MCHR2: variants seen among roughly 807,000 people sequenced by gnomAD.
MCHR2 encodes melanin concentrating hormone receptor 2.
In MCHR2, 15 loss-of-function variants were observed where a neutral mutation model predicts 24.8. The ratio of observed to expected loss-of-function variants is 0.60; its 90% CI spans 0.40 to 0.93. The LOEUF is 0.93. Among genes scored for constraint, MCHR2 ranks in the 40% least tolerant of loss-of-function variants. MCHR2 has a pLI of 0.00. For missense variants in MCHR2, 386 were observed against 408.7 expected (o/e 0.94, Z 0.48); for synonymous variants, 151 against 147.6 (o/e 1.02, Z -0.17).
intron 1 of MCHR2, among the ~76,000 whole-genome samples, chr6:99,964,638 A>G (rs1465989882): frequency 6.6e-6 from 1 of 152,048 alleles, no homozygotes; most frequent in Non-Finnish European, 1.5e-5. Context: ...CCATGATCCA[A>G]TTACTTCCAC....
rs1285469737 is a variant in MCHR2 at position 99,955,973 on chromosome 6, T to C, written c.175A>G (p.Ile59Val). 2.5e-6 allele frequency: 4 copies of C among 1,587,718 alleles called. No individual in the cohort carries two copies. Among genetic ancestry groups the C allele is most frequent in the Non-Finnish European group, 3.4e-6 (4 of 1,170,328 alleles). ...AAAGGAGCCATTCCTTACCTTATTA[T>C]AGTGAATACAATGAGGATGTTGCCA... Reference protein sequence around the residue: ...LVGNILIVFTIIRSRKKTVPD... With the variant: ...LVGNILIVFTVIRSRKKTVPD... The change falls in exon 2 of 6, where the codon ATA becomes GTA. Residue 59 changes from isoleucine to valine, a missense_variant. Transcript: ENST00000281806.
intron 1 of MCHR2, among the ~76,000 whole-genome samples, chr6:99,980,284 G>A (rs973876193): frequency 5.3e-5 from 8 of 152,106 alleles, no homozygotes; most frequent in African/African-American, 1.7e-4. Flanking sequence ...AGAAGGCAAC[G>A]TGCTCCACTG....
intron 4 of MCHR2, 85 bp from the exon 5 acceptor site, chr6:99,934,602 G>A (rs918344713): frequency 1.6e-5 from 19 of 1,211,852 alleles, no homozygotes; most frequent in Admixed American, 9.7e-5. Flanking sequence ...TGCAGTTTCC[G>A]AGGCATAATT....
intron 5 of MCHR2, among the ~76,000 whole-genome samples, chr6:99,930,878 G>A (rs1308374080): frequency 2.0e-5 from 3 of 152,136 alleles, no homozygotes; most frequent in African/African-American, 7.2e-5. Context: ...TTCCATTGCT[G>A]GTGAGGAGCT....
chr6:99,947,961 T>A lies in MCHR2; in HGVS notation c.193A>T (p.Lys65Ter). The A allele has an allele frequency of 1.2e-6, 2 of 1,613,314 alleles. No individual in the cohort carries two copies. The highest frequency in any genetic ancestry group is 1.7e-6 in the Non-Finnish European group (2 of 1,179,544). The change falls in exon 3 of 6, where the codon AAA becomes TAA. Residue 65 changes from lysine (K) to a stop codon, truncating the protein, a stop_gained. Coordinates refer to ENST00000281806, the MANE Select transcript of MCHR2 (RefSeq NM_001040179.2). LOFTEE classifies it high-confidence loss of function. ...CAGATATAGATGTCAGGGACTGTTT[T>A]TTTCCTGGATCTGAAAGAGATAGAG... Reference protein sequence around the residue: ...IVFTIIRSRKKTVPDIYICNL... With the variant: ...IVFTIIRSRK
chr6:99,955,485 CT>C (rs1249127985), intron 2 of MCHR2, among the ~76,000 whole-genome samples: 1 of 152,156 alleles, frequency 6.6e-6, no homozygotes, highest in Non-Finnish European at 1.5e-5. Flanking sequence ...TAAAGTCTCT[CT>C]TTTGCCCAAG....
chr6:99,961,419 G>A (rs1180915347), intron 1 of MCHR2, among the ~76,000 whole-genome samples: 1 of 152,118 alleles, frequency 6.6e-6, no homozygotes, highest in Admixed American at 6.6e-5. Flanking sequence ...TATGTTTACT[G>A]AGGCACTGTT....
In MCHR2 at chr6:99,937,753, T is replaced by G. The variant is rs544150064; in HGVS notation, c.588-3236A>C. Among the ~76,000 whole-genome samples, 934 of 150,656 alleles carry G rather than the reference T, an allele frequency of 6.2e-3. 11 individuals are homozygous for G. Among genetic ancestry groups the G allele is most frequent in the African/African-American group, 0.022 (898 of 41,238 alleles). The stretch of plus-strand genomic sequence containing the variant: ...TTTGGAAGTATTCCTTCCTCTTCAT[T>G]TTTTTTTTTTGAAGTTTGAAGAGAA... On this transcript the variant is annotated intron_variant, in intron 4 of 5. Coordinates refer to ENST00000281806, the MANE Select transcript of MCHR2 (RefSeq NM_001040179.2).
At chr6:99,956,543 G>A (rs1247380251) in intron 1 of MCHR2, among the ~76,000 whole-genome samples, 2 of 152,070 alleles carry the variant, frequency 1.3e-5, no homozygotes, top group Non-Finnish European at 2.9e-5. Context: ...TAGTATTCTT[G>A]TAACACTTAT....
chr6:99,930,066 T>G (rs1189794370), intron 5 of MCHR2, among the ~76,000 whole-genome samples: 6 of 151,440 alleles, frequency 4.0e-5, no homozygotes, highest in Non-Finnish European at 8.8e-5. Flanking sequence ...TTTGCTTGTC[T>G]GTAAAGTATT....
intron 5 of MCHR2, among the ~76,000 whole-genome samples, chr6:99,924,519 C>CT (rs1774308564): frequency 6.6e-6 from 1 of 151,888 alleles, no homozygotes; most frequent in Non-Finnish European, 1.5e-5. Context: ...CATTTTTCAT[C>CT]TTTTTGATGT....
At chr6:99,949,937 TAA>T (rs1338362009) in intron 2 of MCHR2, among the ~76,000 whole-genome samples, 71 of 150,360 alleles carry the variant, frequency 4.7e-4, no homozygotes, top group South Asian at 4.2e-3. Flanking sequence ...AAAAAAATCA[TAA>T]ATCTTAGTCT....
In MCHR2 at chr6:99,920,913, TAGAC is replaced by T; in HGVS notation, c.*23_*26del. 6.2e-7 allele frequency: 1 copy of T among 1,603,262 alleles called. No individual in the cohort carries two copies. Among genetic ancestry groups the T allele is most frequent in the Non-Finnish European group, 8.5e-7 (1 of 1,173,016 alleles). ...TACCAGTAAGATAGACAATCATGTC[TAGAC>T]TCATGGTGATCCATGTACTTTCCTA... On this transcript the variant is annotated 3_prime_UTR_variant, in exon 6 of 6. Coordinates refer to ENST00000281806, the MANE Select transcript of MCHR2 (RefSeq NM_001040179.2).
intron 4 of MCHR2, among the ~76,000 whole-genome samples, chr6:99,940,375 A>T (rs1002352627): frequency 6.6e-6 from 1 of 151,936 alleles, no homozygotes; most frequent in Non-Finnish European, 1.5e-5. Context: ...GAGAATTTTT[A>T]GTAACTTTTT....
intron 3 of MCHR2, among the ~76,000 whole-genome samples, chr6:99,944,511 GA>G (rs1422879010): frequency 3.3e-5 from 5 of 152,130 alleles, no homozygotes; most frequent in African/African-American, 9.7e-5. Context: ...TTTTGCACCA[GA>G]AGCAGGACAT....
Position 99,934,518 on chromosome 6 carries a change from CTG to C in MCHR2, c.588-3_588-2del. 6.4e-7 allele frequency: 1 copy of C among 1,570,012 alleles called. No homozygotes were observed. The highest frequency in any genetic ancestry group is 1.2e-5 in the South Asian group (1 of 83,374). On this transcript the variant is annotated splice_acceptor_variant and splice_polypyrimidine_tract_variant and intron_variant, in intron 4 of 5. Transcript: ENST00000281806. LOFTEE classifies it high-confidence loss of function. The stretch of plus-strand genomic sequence containing the variant: ...TGTTATCGTCAAATAAAGTGTATAC[CTG>C]TAAAATGAGAGAGAGAAGAGAGAGA...
Position 99,920,481 on chromosome 6 carries a change from C to A in MCHR2, c.*459G>T, listed in dbSNP as rs1039548578. 6.1e-6 allele frequency: 1 copy of A among 165,074 alleles called. No individual in the cohort carries two copies. Among genetic ancestry groups the A allele is most frequent in the African/African-American group, 2.4e-5 (1 of 41,628 alleles). 10.2% of individuals were successfully genotyped at this position (165,074 alleles called of 1,614,324 possible). A position where few individuals can be genotyped will look rare whatever the true frequency, so the allele number is the denominator to read the frequency against. ...AGTTGTTGAGGGTATTAGTATTGGA[C>A]CATATAAAACTGACATTTTTTATAG... On this transcript the variant is annotated 3_prime_UTR_variant, in exon 6 of 6. Coordinates refer to ENST00000281806, the MANE Select transcript of MCHR2 (RefSeq NM_001040179.2).
rs1164712680 is a variant in MCHR2 at position 99,956,158 on chromosome 6, C to T, written c.-11G>A. ...ATGAAATGGATTCATTGTTCGTGGA[C>T]TTTCCAGGGATTAAAGCTGTGAAGT... On this transcript the variant is annotated 5_prime_UTR_variant, in exon 2 of 6. Transcript: ENST00000281806. 3 of 1,602,958 alleles carry T rather than the reference C, an allele frequency of 1.9e-6. No homozygotes were observed. In the East Asian group the frequency reaches 6.7e-5, roughly 36 times the overall value.
chr6:99,953,291 G>A (rs1468901357), intron 2 of MCHR2, among the ~76,000 whole-genome samples: 1 of 152,140 alleles, frequency 6.6e-6, no homozygotes, highest in Non-Finnish European at 1.5e-5. Context: ...CATTTCGGAA[G>A]GGCTAACACC....
Sources: gnomAD v4.1 joint callset for allele counts (sites outside exome capture counted in the v4.1 genomes callset) on GRCh38, gnomAD v4.1.1 for gene constraint, MANE v1.5 for transcripts, NCBI Gene and HGNC (gene_info 2026-07-23, HGNC 2026-07-21) for gene names.